DOCK11: variants seen among roughly 807,000 people sequenced by gnomAD.
DOCK11 encodes dedicator of cytokinesis protein 11.
A neutral mutation model predicts 169.1 loss-of-function variants in DOCK11; 70 were observed. The ratio of observed to expected loss-of-function variants is 0.41; its 90% CI spans 0.34 to 0.51. The LOEUF is 0.51. Among genes scored for constraint, DOCK11 ranks in the 20% least tolerant of loss-of-function variants. The pLI is 0.10. For missense variants in DOCK11, 1,166 were observed against 1,538.8 expected (o/e 0.76, Z 4.05); for synonymous variants, 529 against 541.3 (o/e 0.98, Z 0.32).
intron 14 of DOCK11, among the ~76,000 whole-genome samples, chrX:118,581,575 G>A (rs1355240479): frequency 6.4e-5 from 7 of 109,888 alleles, no homozygotes; most frequent in Middle Eastern, 4.7e-3. Context: ...AGGCCGAGGC[G>A]GGTGGATCAC....
Position 118,681,718 on chromosome X carries a change from G to T in DOCK11, c.5887G>T (p.Ala1963Ser). The T allele has an allele frequency of 1.7e-6, 2 of 1,204,896 alleles. No individual in the cohort carries two copies. The highest frequency in any genetic ancestry group is 1.8e-5 in the South Asian group (1 of 55,743). The change falls in exon 51 of 53, where the codon GCA (alanine) becomes TCA (serine). Residue 1963 changes from alanine (A) to serine (S), a missense_variant. Transcript: ENST00000276202. ...GGTCAATGCTGGTCCATTAGCATATGCAAGAGCTTTCTTAAATGACAGCCA... is the reference window on the plus strand; with the variant it reads ...GGTCAATGCTGGTCCATTAGCATATTCAAGAGCTTTCTTAAATGACAGCCA... ...VQVNAGPLAY[A>S]RAFLNDSQAS...
At position 118,546,210 on chromosome X, in the gene DOCK11, C is replaced by CCAAAAA. The variant is rs59721327; in HGVS notation, c.558+94_558+95insCAAAAA. 32 of 49,283 alleles carry CCAAAAA rather than the reference C, an allele frequency of 6.5e-4. 3 individuals carry two copies. Among genetic ancestry groups the CCAAAAA allele is most frequent in the East Asian group, 9.7e-4 (2 of 2,066 alleles). 4.1% of individuals were successfully genotyped at this position (49,283 alleles called of 1,213,427 possible). On this transcript the variant is annotated intron_variant, in intron 6 of 52. Transcript: ENST00000276202. ...ATATTTATTTTACAAAGAGCCCTAG[C>CCAAAAA]AAAAAAAAAAAAAAAAAAAAAGGAG...
intron 31 of DOCK11, among the ~76,000 whole-genome samples, chrX:118,619,140 T>C (rs1434610191): frequency 9.2e-6 from 1 of 109,170 alleles, no homozygotes; most frequent in African/African-American, 3.3e-5. Context: ...ATTACAGGCA[T>C]GAGCCACTGT....
chrX:118,666,644 C>T (rs1303820090), intron 45 of DOCK11, among the ~76,000 whole-genome samples: 2 of 112,148 alleles, frequency 1.8e-5, no homozygotes, highest in Admixed American at 1.9e-4. Context: ...TTTCCAGTTT[C>T]AGGCTGTTAC....
chrX:118,506,522 T>C (rs1013966616), intron 1 of DOCK11, among the ~76,000 whole-genome samples: 1 of 109,827 alleles, frequency 9.1e-6, no homozygotes, highest in Admixed American at 9.7e-5. Flanking sequence ...AAAAATTAGC[T>C]GGGCATGGTG....
At chrX:118,641,046 C>T (rs1369126842) in intron 38 of DOCK11, 144 bp from the exon 39 acceptor site, 3 of 474,212 alleles carry the variant, frequency 6.3e-6, no homozygotes, top group Non-Finnish European at 1.1e-5. Flanking sequence ...GCCTCAGCCT[C>T]CCAAAGTGCT....
intron 1 of DOCK11, among the ~76,000 whole-genome samples, chrX:118,514,066 A>G (rs1396785408): frequency 9.0e-6 from 1 of 111,306 alleles, no homozygotes; most frequent in African/African-American, 3.3e-5. Flanking sequence ...TCATGGGGGC[A>G]GTTTTTCTGC....
intron 6 of DOCK11, among the ~76,000 whole-genome samples, chrX:118,556,169 C>G (rs1362014509): frequency 9.3e-6 from 1 of 107,910 alleles, no homozygotes; most frequent in Non-Finnish European, 1.9e-5. Context: ...CTCAGCCTCT[C>G]AAGTAGCTGG....
chrX:118,524,556 T>A (rs1392747289), intron 1 of DOCK11, among the ~76,000 whole-genome samples: 1 of 111,420 alleles, frequency 9.0e-6, no homozygotes, highest in Non-Finnish European at 1.9e-5. Context: ...CAAACTTGAT[T>A]TAAGTCAGGC....
intron 6 of DOCK11, among the ~76,000 whole-genome samples, chrX:118,560,275 G>A (rs2012861936): frequency 9.0e-6 from 1 of 111,600 alleles, no homozygotes; most frequent in South Asian, 3.7e-4. Context: ...TACTTTGCCA[G>A]ACGTTAAGTT....
intron 28 of DOCK11, among the ~76,000 whole-genome samples, chrX:118,612,184 G>A (rs2014701194): frequency 8.9e-6 from 1 of 111,737 alleles, no homozygotes; most frequent in African/African-American, 3.3e-5. Context: ...ATTCATCCAA[G>A]GAGTTTTAGT....
chrX:118,577,641 G>A (rs2013488837), intron 12 of DOCK11, among the ~76,000 whole-genome samples: 1 of 111,624 alleles, frequency 9.0e-6, no homozygotes, highest in African/African-American at 3.3e-5. Context: ...GTTTGACTTG[G>A]GGGAAATCAT....
intron 6 of DOCK11, among the ~76,000 whole-genome samples, chrX:118,558,677 C>A (rs2012805289): frequency 8.9e-6 from 1 of 111,875 alleles, no homozygotes; most frequent in Admixed American, 9.5e-5. Flanking sequence ...TGAGAAGAGA[C>A]CTTACAATTT....
chrX:118,635,829 AC>A (rs1481688090), intron 35 of DOCK11, among the ~76,000 whole-genome samples: 1 of 111,723 alleles, frequency 9.0e-6, no homozygotes, highest in African/African-American at 3.3e-5. Context: ...CTCAAGTGAT[AC>A]GCCCACCTTG....
Position 118,685,776 on chromosome X carries a change from G to C in DOCK11, c.6191G>C (p.Gly2064Ala). 1 of 1,211,616 alleles carries C rather than the reference G, an allele frequency of 8.3e-7. No individual in the cohort carries two copies. The change falls in exon 53 of 53, where the codon GGT (glycine) becomes GCT (alanine). Residue 2064 changes from glycine (G) to alanine (A), a missense_variant. Physicochemically the swap from Gly to Ala is moderately conservative, Grantham distance 60. Coordinates refer to ENST00000276202, the MANE Select transcript of DOCK11 (RefSeq NM_144658.4). ...ATTAGTGGTACATCAAGTGACCGAG[G>C]TTATGGTTCCCCAAGATACGCTGAA... ...CAISGTSSDR[G>A]YGSPRYAEV is the part of the protein sequence containing the mutation.
intron 40 of DOCK11, among the ~76,000 whole-genome samples, chrX:118,648,605 T>G (rs1377840538): frequency 1.1e-5 from 1 of 93,525 alleles, no homozygotes; most frequent in Non-Finnish European, 2.1e-5. Context: ...TATAATATAT[T>G]AATATATAAT....
At chrX:118,675,813 A>G in intron 46 of DOCK11, 123 bp from the exon 47 acceptor site, 1 of 392,002 alleles carries the variant, frequency 2.6e-6, no homozygotes, top group South Asian at 5.5e-5. Flanking sequence ...ATGAGTATGA[A>G]TGGCCCCACC....
chrX:118,648,807 G>A lies in DOCK11; in HGVS notation c.4399-138G>A, dbSNP rs909345112. ...TTAACTAGTTCAGGCTCTCTGGAGA[G>A]CAGAGCCTGCCTTATGTTGATTTTG... On this transcript the variant is annotated intron_variant, in intron 40 of 52. Transcript: ENST00000276202. The A allele has an allele frequency of 9.2e-5, 43 of 468,425 alleles. No individual in the cohort carries two copies. In the Middle Eastern group the frequency reaches 2.5e-3, roughly 28 times the overall value. The allele number at this position is 468,425 out of a possible 1,213,427, so 38.6% of individuals were successfully genotyped here.
At chrX:118,654,844 C>T in intron 43 of DOCK11, 27 bp downstream of exon 43, 1 of 1,207,154 alleles carries the variant, frequency 8.3e-7, no homozygotes, top group Non-Finnish European at 1.1e-6. Context: ...TTGTTCTAAA[C>T]AGCCCTTCAA....
Sources: gnomAD v4.1 joint callset for allele counts (sites outside exome capture counted in the v4.1 genomes callset) on GRCh38, gnomAD v4.1.1 for gene constraint, MANE v1.5 for transcripts, NCBI Gene and HGNC (gene_info 2026-07-23, HGNC 2026-07-21) for gene names.